Variants in MORC2 observed in about 807,000 individuals in gnomAD.
MORC2 encodes the protein ATPase MORC2.
Under a neutral mutation model 136.0 loss-of-function variants are expected in MORC2, and 30 were observed. The observed-to-expected ratio is 0.22, with a 90% CI of 0.17 to 0.30. The LOEUF (loss-of-function observed/expected upper bound fraction) is 0.30, where lower values mean the gene tolerates loss of function less well. Among genes scored for constraint, MORC2 ranks in the 10% least tolerant of loss-of-function variants. The pLI is 1.00. For synonymous variants in MORC2, 439 were observed against 487.0 expected (o/e 0.90, Z 1.30); for missense variants, 922 against 1,333.1 (o/e 0.69, Z 4.80).
At chr22:30,952,228 T>C (rs978513998) in intron 3 of MORC2, among the ~76,000 whole-genome samples, 2 of 152,150 alleles carry the variant, frequency 1.3e-5, no homozygotes, top group East Asian at 1.9e-4. Flanking sequence ...GTACAGAGAA[T>C]GGTAAAAGCA....
At position 30,935,163 on chromosome 22, in the gene MORC2, T is replaced by TA. The variant is rs777649506; in HGVS notation, c.1813-3dup. ...ACGCTGAGGTCTACGCACAGGTTCCTAAAAAAAGGCCCACAGAGAGTGAGA... is the reference window on the plus strand; with the variant it reads ...ACGCTGAGGTCTACGCACAGGTTCCTAAAAAAAAGGCCCACAGAGAGTGAGA... On this transcript the variant is annotated splice_region_variant and splice_polypyrimidine_tract_variant and intron_variant, in intron 18 of 25. Coordinates refer to ENST00000397641, the MANE Select transcript of MORC2 (RefSeq NM_001303256.3). 6.2e-7 allele frequency: 1 copy of TA among 1,611,120 alleles called. No individual in the cohort carries two copies. Among genetic ancestry groups the TA allele is most frequent in the South Asian group, 1.1e-5 (1 of 90,900 alleles).
chr22:30,955,044 C>T (rs529111197), intron 3 of MORC2, among the ~76,000 whole-genome samples: 1 of 150,398 alleles, frequency 6.6e-6, no homozygotes, highest in South Asian at 2.1e-4. Context: ...TGGCAACTTC[C>T]ACCTCCTGGG....
At chr22:30,960,292 T>C (rs2041024459) in intron 1 of MORC2, among the ~76,000 whole-genome samples, 1 of 152,132 alleles carries the variant, frequency 6.6e-6, no homozygotes, top group African/African-American at 2.4e-5. Context: ...TGAATTAAAC[T>C]ATCACTTGGT....
In MORC2 at chr22:30,937,743, G is replaced by C; in HGVS notation, c.1370-32C>G. On this transcript the variant is annotated intron_variant, in intron 14 of 25. Transcript: ENST00000397641. This position sits in a 1 kb window ranked among gnomAD's most constrained non-coding sequence, Gnocchi z 4.7. ...AGCAAACACCGATACATCATGTTAG[G>C]AGCCAGCCTCTCTCTCTCCCTACAT... is the stretch of plus-strand genomic sequence containing the variant. 40 of 1,613,986 alleles carry C rather than the reference G, an allele frequency of 2.5e-5. No individual in the cohort carries two copies. The highest frequency in any genetic ancestry group is 3.4e-5 in the Non-Finnish European group (40 of 1,179,958).
Position 30,936,942 on chromosome 22 carries a change from C to T in MORC2, c.1594G>A (p.Glu532Lys). Residue 532 changes from glutamate (E) to lysine (K), a missense_variant, in exon 16 of 26, where the codon GAA (glutamate) becomes AAA (lysine). Physicochemically the swap from Glu to Lys is moderately conservative, Grantham distance 56. Coordinates refer to ENST00000397641, the MANE Select transcript of MORC2 (RefSeq NM_001303256.3). ...TWVCSMNPDP[E>K]QDRCEASEQK... is the part of the protein sequence containing the mutation. The stretch of plus-strand genomic sequence containing the variant: ...AGACAATGTGCTCACCGGTCCTGTT[C>T]AGGATCAGGGTTCATGGAGCAAACC... 1 of 1,613,622 alleles carries T rather than the reference C, an allele frequency of 6.2e-7. No homozygotes were observed.
chr22:30,947,217 T>A (rs1314861585), intron 5 of MORC2, among the ~76,000 whole-genome samples: 1 of 152,256 alleles, frequency 6.6e-6, no homozygotes, highest in Non-Finnish European at 1.5e-5. Context: ...AACTGGTTTC[T>A]GGGAACTGTG....
At chr22:30,930,624 C>T (rs909208422) in intron 24 of MORC2, among the ~76,000 whole-genome samples, 2 of 152,222 alleles carry the variant, frequency 1.3e-5, no homozygotes, top group African/African-American at 4.8e-5. Flanking sequence ...AGACAAACTC[C>T]ATGTTTTTAT....
chr22:30,967,949 T>TATC lies in MORC2; in HGVS notation c.-63_-61dup. On this transcript the variant is annotated 5_prime_UTR_variant, in exon 1 of 26. In the 5' UTR this introduces an upstream ATG that the reference lacks. Coordinates refer to ENST00000397641, the MANE Select transcript of MORC2 (RefSeq NM_001303256.3). ...ACTGGGAAATATAACCTTATAATGATATCGATTTCCCAGGATTCTGTCCAG... is the reference window on the plus strand; with the variant it reads ...ACTGGGAAATATAACCTTATAATGATATCATCGATTTCCCAGGATTCTGTCCAG... The TATC allele has an allele frequency of 2.9e-6, 4 of 1,367,002 alleles. No homozygotes were observed. The highest frequency in any genetic ancestry group is 4.1e-6 in the Non-Finnish European group (4 of 980,058). The allele number at this position is 1,367,002 out of a possible 1,614,324, so 84.7% of individuals were successfully genotyped here.
chr22:30,967,450 G>A lies in MORC2; in HGVS notation c.68+372C>T, dbSNP rs1602521583. ...ACTTGTTATAAACCTAACTGTTTAGGACGTTGTCACTACAGAGGGGAAACG... is the reference window on the plus strand; with the variant it reads ...ACTTGTTATAAACCTAACTGTTTAGAACGTTGTCACTACAGAGGGGAAACG... On this transcript the variant is annotated intron_variant, in intron 1 of 25. Transcript: ENST00000397641. The A allele has an allele frequency of 5.0e-6, 5 of 1,009,668 alleles. No individual in the cohort carries two copies. In the African/African-American group the frequency reaches 6.9e-5, roughly 14 times the overall value. 62.5% of individuals were successfully genotyped at this position (1,009,668 alleles called of 1,614,324 possible).
In MORC2 at chr22:30,937,745, G is replaced by A; in HGVS notation, c.1370-34C>T. 6.2e-7 allele frequency: 1 copy of A among 1,614,016 alleles called. No homozygotes were observed. The highest frequency in any genetic ancestry group is 8.5e-7 in the Non-Finnish European group (1 of 1,179,944). The stretch of plus-strand genomic sequence containing the variant: ...CAAACACCGATACATCATGTTAGGA[G>A]CCAGCCTCTCTCTCTCCCTACATTC... On this transcript the variant is annotated intron_variant, in intron 14 of 25. Transcript: ENST00000397641. The surrounding 1 kb of genome is among the most constrained non-coding windows in gnomAD (Gnocchi z 4.7).
rs376651316 is a variant in MORC2, at chr22:30,937,533, G to A, written c.1498+50C>T. The A allele has an allele frequency of 8.8e-6, 14 of 1,593,874 alleles. No homozygotes were observed. The African/African-American group carries it at 1.8e-4, about 20-fold the overall frequency. ...GCTGGCAGGAAGATAGAGAAAAGAG[G>A]CTTGTGGGCTGATGGAAATGAGTCG... On this transcript the variant is annotated intron_variant, in intron 15 of 25. Transcript: ENST00000397641. This position sits in a 1 kb window ranked among gnomAD's most constrained non-coding sequence, Gnocchi z 4.7.
chr22:30,947,342 C>T (rs1053441764), intron 5 of MORC2, among the ~76,000 whole-genome samples: 4 of 152,224 alleles, frequency 2.6e-5, no homozygotes, highest in East Asian at 1.9e-4. Context: ...TTCCAGGCAA[C>T]GCAGGGCAGG....
chr22:30,935,797 A>C (rs1342026028), intron 17 of MORC2, among the ~76,000 whole-genome samples: 1 of 152,256 alleles, frequency 6.6e-6, no homozygotes, highest in Non-Finnish European at 1.5e-5. Context: ...CATAGAAAAA[A>C]TAAAAATGTA....
intron 3 of MORC2, among the ~76,000 whole-genome samples, chr22:30,952,090 C>T (rs879499241): frequency 6.6e-6 from 1 of 152,152 alleles, no homozygotes; most frequent in Non-Finnish European, 1.5e-5. Context: ...GGCAGTGCCT[C>T]TAATCAGAGT....
chr22:30,940,985 C>A, intron 9 of MORC2, 148 bp from the exon 10 acceptor site: 1 of 719,424 alleles, frequency 1.4e-6, no homozygotes, highest in Non-Finnish European at 2.5e-6. Flanking sequence ...CTCAATTCAG[C>A]AAAAAGGTGC....
At chr22:30,951,448 G>T (rs912195311) in intron 3 of MORC2, among the ~76,000 whole-genome samples, 1 of 152,222 alleles carries the variant, frequency 6.6e-6, no homozygotes, top group African/African-American at 2.4e-5. Flanking sequence ...AAGGAAGTTG[G>T]TAGACACAAA....
chr22:30,940,726 C>G lies in MORC2; in HGVS notation c.904+32G>C, dbSNP rs561213514. Reference sequence around the variant, plus strand: ...CAAGCAGCATACCCCAGATGCACACCCCCCCAACTCCTGCACCCAGAGTGG... The same window carrying G: ...CAAGCAGCATACCCCAGATGCACACGCCCCCAACTCCTGCACCCAGAGTGG... On this transcript the variant is annotated intron_variant, in intron 10 of 25. Coordinates refer to ENST00000397641, the MANE Select transcript of MORC2 (RefSeq NM_001303256.3). 8.8e-6 allele frequency: 14 copies of G among 1,597,454 alleles called. No individual in the cohort carries two copies. In the Admixed American group the frequency reaches 1.3e-4, roughly 15 times the overall value.
chr22:30,932,587 C>G lies in MORC2; in HGVS notation c.2705G>C (p.Ser902Thr), dbSNP rs141633101. 32 of 1,614,060 alleles carry G rather than the reference C, an allele frequency of 2.0e-5. No homozygotes were observed. In the African/African-American group the frequency reaches 3.7e-4, roughly 19 times the overall value. The stretch of plus-strand genomic sequence containing the variant: ...CAGGTCGATGGTCTCGTGATTGGTG[C>G]TCAGGGCAGTGGTGTCAGGCTCAAT... ...LRIEPDTTALSTNHETIDLLV... is the reference protein window; with the variant it reads ...LRIEPDTTALTTNHETIDLLV... The change falls in exon 23 of 26, where the codon AGC becomes ACC. Residue 902 changes from serine to threonine, a missense_variant. By Grantham distance (58) the Ser-to-Thr change is moderately conservative. Transcript: ENST00000397641. The surrounding 1 kb of genome is among the most constrained non-coding windows in gnomAD (Gnocchi z 4.4).
At position 30,927,929 on chromosome 22, in the gene MORC2, T is replaced by C. The variant is rs5997811; in HGVS notation, c.3030+90A>G. The C allele has an allele frequency of 2.9e-4, 434 of 1,477,890 alleles. No homozygotes were observed. The African/African-American group carries it at 5.2e-3, about 18-fold the overall frequency. The allele number at this position is 1,477,890 out of a possible 1,614,324, so 91.5% of individuals were successfully genotyped here. A position where few individuals can be genotyped will look rare whatever the true frequency, so the allele number is the denominator to read the frequency against. ...AGAACCATAGATTCCTGTGAGTGGA[T>C]AGATTCTTGTGAGAACAGGAACAGG... On this transcript the variant is annotated intron_variant, in intron 25 of 25. Coordinates refer to ENST00000397641, the MANE Select transcript of MORC2 (RefSeq NM_001303256.3).
Sources: gnomAD v4.1 joint callset for allele counts (sites outside exome capture counted in the v4.1 genomes callset) on GRCh38, gnomAD v4.1.1 for gene constraint, Gnocchi (gnomAD v3.1) non-coding constraint, MANE v1.5 for transcripts, NCBI Gene and HGNC (gene_info 2026-07-23, HGNC 2026-07-21) for gene names.